SLC51A: variants seen among roughly 807,000 people sequenced by gnomAD.
SLC51A encodes the protein organic solute transporter subunit alpha.
SLC51A carries 22 observed loss-of-function variants against 34.8 expected under a neutral mutation model. The observed-to-expected ratio is 0.63, with a 90% CI of 0.45 to 0.90. The LOEUF (loss-of-function observed/expected upper bound fraction) is 0.90. Ranked by LOEUF, SLC51A falls within the 40% of genes least tolerant of loss-of-function variation. The pLI is 0.00. For synonymous variants in SLC51A, 181 were observed against 176.3 expected (o/e 1.03, Z -0.21); for missense variants, 371 against 414.8 (o/e 0.89, Z 0.92).
intron 2 of SLC51A, among the ~76,000 whole-genome samples, chr3:196,224,696 GC>G (rs1322154541): frequency 4.5e-5 from 4 of 89,126 alleles, no homozygotes; most frequent in African/African-American, 1.7e-4. Context: ...AGGGGGCGGG[GC>G]GGGGGGGGGA....
rs534728966 is a variant in SLC51A, at chr3:196,217,582, A to G, written c.39-260A>G. ...GAAAGAAAAAGGAAGGAAGGAAGGA[A>G]GGAAAGAGAAGGGGAAGGAAGAGAG... is the stretch of plus-strand genomic sequence containing the variant. On this transcript the variant is annotated intron_variant, in intron 1 of 8. Coordinates refer to ENST00000296327, the MANE Select transcript of SLC51A (RefSeq NM_152672.6). 2.4e-3 allele frequency among the ~76,000 whole-genome samples: 334 copies of G among 141,998 alleles called. 2 individuals carry two copies. The highest frequency in any genetic ancestry group is 3.9e-3 in the Non-Finnish European group (246 of 63,620). 93.2% of individuals were successfully genotyped at this position (141,998 alleles called of 152,430 possible).
Position 196,228,024 on chromosome 3 carries a change from C to A in SLC51A, c.363-91C>A. On this transcript the variant is annotated intron_variant, in intron 4 of 8. Transcript: ENST00000296327. This position sits in a 1 kb window ranked among gnomAD's most constrained non-coding sequence, Gnocchi z 4.9. ...GGGTCACACACCCAGAACGCCCAGC[C>A]CTAGCTCTGCTCCTCAGTAAGCCCC... 1.3e-6 allele frequency: 2 copies of A among 1,535,056 alleles called. No individual in the cohort carries two copies. The highest frequency in any genetic ancestry group is 1.8e-6 in the Non-Finnish European group (2 of 1,131,100).
Position 196,216,680 on chromosome 3 carries a change from G to T in SLC51A, c.-33G>T. ...CGCCCCGCCTGCCCTTCCTCACCCCGGTGCCTGCGGGATTGCTGGAGAGAA... is the reference window on the plus strand; with the variant it reads ...CGCCCCGCCTGCCCTTCCTCACCCCTGTGCCTGCGGGATTGCTGGAGAGAA... On this transcript the variant is annotated 5_prime_UTR_variant, in exon 1 of 9. Transcript: ENST00000296327. The surrounding 1 kb of genome is among the most constrained non-coding windows in gnomAD (Gnocchi z 4.5). The T allele has an allele frequency of 1.4e-6, 2 of 1,459,804 alleles. No individual in the cohort carries two copies. The highest frequency in any genetic ancestry group is 1.8e-6 in the Non-Finnish European group (2 of 1,088,956). The allele number at this position is 1,459,804 out of a possible 1,614,324, so 90.4% of individuals were successfully genotyped here.
At chr3:196,232,932 T>G (rs925822726) in intron 8 of SLC51A, 131 bp from the exon 9 acceptor site, 1 of 925,538 alleles carries the variant, frequency 1.1e-6, no homozygotes, top group Non-Finnish European at 1.7e-6. Context: ...TTATGACAAT[T>G]TCGTATCCCT....
In SLC51A at chr3:196,216,610, C is replaced by G. The variant is rs56030157; in HGVS notation, c.-103C>G. The G allele has an allele frequency of 1.6e-5, 18 of 1,148,110 alleles. No individual in the cohort carries two copies. The highest frequency in any genetic ancestry group is 4.6e-5 in the African/African-American group (3 of 65,668). The allele number at this position is 1,148,110 out of a possible 1,614,324, so 71.1% of individuals were successfully genotyped here. On this transcript the variant is annotated 5_prime_UTR_variant, in exon 1 of 9. Transcript: ENST00000296327. The surrounding 1 kb of genome is among the most constrained non-coding windows in gnomAD (Gnocchi z 4.5). ...AGACTCTGCAATTCTGCTTGCCCCC[C>G]ACCCCGGCCCAGGCAAGCCACCCTG... is the stretch of plus-strand genomic sequence containing the variant.
intron 2 of SLC51A, among the ~76,000 whole-genome samples, chr3:196,220,659 GA>G (rs1296530395): frequency 6.6e-6 from 1 of 152,106 alleles, no homozygotes; most frequent in African/African-American, 2.4e-5. Flanking sequence ...TGCCATGCGG[GA>G]AAAGAGTCTG....
At chr3:196,231,514 T>C (rs1197998333) in intron 7 of SLC51A, among the ~76,000 whole-genome samples, 1 of 152,178 alleles carries the variant, frequency 6.6e-6, no homozygotes, top group Non-Finnish European at 1.5e-5. Flanking sequence ...TCTACGTACA[T>C]GCCTCCCAAA....
intron 2 of SLC51A, among the ~76,000 whole-genome samples, chr3:196,218,964 G>T (rs138984296): frequency 6.6e-6 from 1 of 152,134 alleles, no homozygotes; most frequent in African/African-American, 2.4e-5. Flanking sequence ...GGTGGCTCAC[G>T]CCTGTAATCC....
In SLC51A at chr3:196,226,765, C is replaced by G. The variant is rs112117923; in HGVS notation, c.134-200C>G. 4.1e-4 allele frequency among the ~76,000 whole-genome samples: 51 copies of G among 125,714 alleles called. 1 individual carries two copies. Among genetic ancestry groups the G allele is most frequent in the African/African-American group, 1.6e-3 (49 of 29,722 alleles). 82.5% of individuals were successfully genotyped at this position (125,714 alleles called of 152,430 possible). ...CTCCAGCCTGGGCAACAGAGTGAGG[C>G]TCCGTCTTAAAAAAAAAAAAAAAAG... is the stretch of plus-strand genomic sequence containing the variant. On this transcript the variant is annotated intron_variant, in intron 2 of 8. Coordinates refer to ENST00000296327, the MANE Select transcript of SLC51A (RefSeq NM_152672.6).
chr3:196,218,862 A>AC, intron 2 of SLC51A, among the ~76,000 whole-genome samples: 1 of 151,992 alleles, frequency 6.6e-6, no homozygotes, highest in Non-Finnish European at 1.5e-5. Flanking sequence ...AAAAAAAAAA[A>AC]CATAGGTGAA....
chr3:196,229,490 A>G (rs1356280722), intron 6 of SLC51A, among the ~76,000 whole-genome samples: 2 of 147,290 alleles, frequency 1.4e-5, no homozygotes, highest in African/African-American at 2.5e-5. Flanking sequence ...TGATTCTCCT[A>G]CCTCAGCCTC....
chr3:196,221,719 G>GTT (rs547977757), intron 2 of SLC51A, among the ~76,000 whole-genome samples: 1,539 of 142,250 alleles, frequency 0.011, 26 homozygotes, highest in African/African-American at 0.037. Flanking sequence ...TTGGTTTTTT[G>GTT]TTTTTTTTTT....
chr3:196,218,273 T>C (rs1053990405), intron 2 of SLC51A, among the ~76,000 whole-genome samples: 6 of 152,184 alleles, frequency 3.9e-5, no homozygotes, highest in Admixed American at 2.0e-4. Flanking sequence ...GCCCAAGTGG[T>C]CCAAGCCCCA....
In SLC51A at chr3:196,226,967, C is replaced by G. The variant is rs760928065; in HGVS notation, c.136C>G (p.Leu46Val). Residue 46 changes from leucine to valine, a missense_variant and splice_region_variant, in exon 3 of 9, where the codon CTG becomes GTG. By Grantham distance (32) the Leu-to-Val change is conservative. Coordinates refer to ENST00000296327, the MANE Select transcript of SLC51A (RefSeq NM_152672.6). ...PPTAAQLLRALGPVELALTSI... is the reference protein window; with the variant it reads ...PPTAAQLLRAVGPVELALTSI... ...CTCTCTGCCTTCTCCTCCTCTAGCC[C>G]TGGGCCCTGTGGAACTTGCCCTCAC... 3 of 1,612,710 alleles carry G rather than the reference C, an allele frequency of 1.9e-6. 1 individual carries two copies. In the South Asian group the frequency reaches 3.3e-5, roughly 18 times the overall value.
intron 2 of SLC51A, among the ~76,000 whole-genome samples, chr3:196,224,759 A>AGAGGG (rs1290050272): frequency 9.9e-5 from 2 of 20,218 alleles, no homozygotes; most frequent in East Asian, 1.3e-3. Flanking sequence ...AGGGAATGGG[A>AGAGGG]GAGGGGAGGG....
rs1323529765 is a variant in SLC51A, at chr3:196,219,541, C to A, written c.133+1605C>A. 3.3e-5 allele frequency among the ~76,000 whole-genome samples: 5 copies of A among 152,184 alleles called. No homozygotes were observed. The East Asian group carries it at 9.6e-4, about 29-fold the overall frequency. ...GGGCTTCATTTCAGATGATCTGAAC[C>A]AGAGCGGTTGCCAACTGCCAGTGTC... On this transcript the variant is annotated intron_variant, in intron 2 of 8. Transcript: ENST00000296327.
chr3:196,223,842 C>A (rs1723827301), intron 2 of SLC51A: 1 of 418,046 alleles, frequency 2.4e-6, no homozygotes, highest in Non-Finnish European at 4.7e-6. Context: ...AGTGTAATTT[C>A]CTTTTTTTTA....
chr3:196,230,018 A>T lies in SLC51A; in HGVS notation c.737A>T (p.His246Leu). The T allele has an allele frequency of 1.2e-6, 2 of 1,613,848 alleles. No homozygotes were observed. The highest frequency in any genetic ancestry group is 1.7e-6 in the Non-Finnish European group (2 of 1,179,846). Residue 246 changes from histidine (H) to leucine (L), a missense_variant, in exon 7 of 9, where the codon CAC becomes CTC. Physicochemically the swap from His to Leu is moderately conservative, Grantham distance 99. Transcript: ENST00000296327. ...ATCATTTCCCGTCAAGCCAGGCTAC[A>T]CCTGGGTGAGCAGAACATGGGAGCC... is the stretch of plus-strand genomic sequence containing the variant. ...LGIISRQARL[H>L]LGEQNMGAKF... is the part of the protein sequence containing the mutation.
chr3:196,217,928 T>C lies in SLC51A; in HGVS notation c.125T>C (p.Leu42Pro), dbSNP rs750147914. 5.6e-6 allele frequency: 9 copies of C among 1,612,016 alleles called. No homozygotes were observed. In the South Asian group the frequency reaches 8.8e-5, roughly 16 times the overall value. Residue 42 changes from leucine (L) to proline (P), a missense_variant, in exon 2 of 9, where the codon CTC becomes CCC. Coordinates refer to ENST00000296327, the MANE Select transcript of SLC51A (RefSeq NM_152672.6). ...CFSQPPTAAQLLRALGPVELA... is the reference protein window; with the variant it reads ...CFSQPPTAAQPLRALGPVELA... Reference sequence around the variant, plus strand: ...TCTCAGCCTCCCACAGCAGCCCAACTCCTGAGAGGTGAGTGGGGACCCTCC... The same window carrying C: ...TCTCAGCCTCCCACAGCAGCCCAACCCCTGAGAGGTGAGTGGGGACCCTCC...
Sources: allele counts gnomAD v4.1 joint callset (sites outside exome capture counted in the v4.1 genomes callset), GRCh38; gene constraint gnomAD v4.1.1; non-coding constraint Gnocchi (gnomAD v3.1); transcripts MANE v1.5; gene names NCBI Gene and HGNC (gene_info 2026-07-23, HGNC 2026-07-21).